VPS13A: variants seen among roughly 807,000 people sequenced by gnomAD.
The protein encoded by VPS13A is vacuolar protein sorting 13 homolog A, also known as intermembrane lipid transfer protein VPS13A.
VPS13A carries 264 observed loss-of-function variants against 390.9 expected under a neutral mutation model. The observed-to-expected ratio is 0.68, with a 90% CI of 0.61 to 0.75. VPS13A has a LOEUF of 0.75. Ranked by LOEUF, VPS13A falls within the 30% of genes least tolerant of loss-of-function variation. The pLI, the probability that VPS13A is intolerant of heterozygous loss-of-function variation, is 0.00. For synonymous variants in VPS13A, 1,231 were observed against 1,227.1 expected (o/e 1.00, Z -0.07); for missense variants, 3,409 against 3,733.9 (o/e 0.91, Z 2.27).
At position 77,237,566 on chromosome 9, in the gene VPS13A, C is replaced by T. The variant is rs190428557; in HGVS notation, c.1596-436C>T. ...TTTTAGTTGAGACAGGGTTTCACCA[C>T]GTTGGCCAGTTTGGTCTCGAACTCT... is the stretch of plus-strand genomic sequence containing the variant. On this transcript the variant is annotated intron_variant, in intron 17 of 71. Transcript: ENST00000360280. Among the ~76,000 whole-genome samples the T allele has an allele frequency of 9.8e-3, 1,485 of 151,972 alleles. 48 individuals are homozygous for T. Among genetic ancestry groups the T allele is most frequent in the Admixed American group, 0.068 (1,045 of 15,274 alleles).
chr9:77,282,870 G>T (rs1313868837), intron 29 of VPS13A, among the ~76,000 whole-genome samples: 1 of 151,792 alleles, frequency 6.6e-6, no homozygotes, highest in Admixed American at 6.6e-5. Flanking sequence ...AATCACTGGA[G>T]CCCAGGAATT....
At chr9:77,228,018 CCTT>C (rs1823619050) in intron 16 of VPS13A, 101 bp from the exon 17 acceptor site, 1 of 862,954 alleles carries the variant, frequency 1.2e-6, no homozygotes, top group Non-Finnish European at 1.6e-6. Context: ...AATAAAATGT[CCTT>C]AAAATATTTG....
At chr9:77,295,874 G>A in intron 33 of VPS13A, 28 bp downstream of exon 33, 1 of 1,607,658 alleles carries the variant, frequency 6.2e-7, no homozygotes, top group South Asian at 1.1e-5. Flanking sequence ...ATATTTGTGT[G>A]GAATGCAATA....
At chr9:77,405,749 T>C (rs762666662) in intron 69 of VPS13A, 115 bp from the exon 70 acceptor site, 2 of 1,296,320 alleles carry the variant, frequency 1.5e-6, no homozygotes, top group Non-Finnish European at 1.1e-6. Flanking sequence ...ATATAGAATA[T>C]AGTCTATGTT....
chr9:77,187,049 A>G (rs2131062543), intron 1 of VPS13A, among the ~76,000 whole-genome samples: 1 of 152,344 alleles, frequency 6.6e-6, no homozygotes, highest in Non-Finnish European at 1.5e-5. Flanking sequence ...TGTTGTAGGA[A>G]ATGTCAGCAT....
chr9:77,395,060 C>T (rs1205419940), intron 68 of VPS13A, among the ~76,000 whole-genome samples: 5 of 152,140 alleles, frequency 3.3e-5, no homozygotes, highest in Non-Finnish European at 5.9e-5. Context: ...TTTCATAATA[C>T]TTTCCTTCAA....
chr9:77,201,053 G>A (rs1790941542), intron 2 of VPS13A, among the ~76,000 whole-genome samples: 2 of 152,094 alleles, frequency 1.3e-5, no homozygotes, highest in Admixed American at 6.6e-5. Flanking sequence ...AAATGACATT[G>A]TAATTGCCAC....
At chr9:77,381,176 C>T (rs1833413270) in intron 67 of VPS13A, among the ~76,000 whole-genome samples, 1 of 152,202 alleles carries the variant, frequency 6.6e-6, no homozygotes, top group South Asian at 2.1e-4. Context: ...CAGGGTCTCA[C>T]TCTGGCATCC....
chr9:77,216,018 C>T (rs1365160962), intron 10 of VPS13A, among the ~76,000 whole-genome samples: 5 of 152,102 alleles, frequency 3.3e-5, no homozygotes, highest in South Asian at 2.1e-4. Flanking sequence ...CAGAAGCTAC[C>T]GGTTCTGTAG....
At chr9:77,237,695 A>G (rs1824232856) in intron 17 of VPS13A, among the ~76,000 whole-genome samples, 1 of 152,126 alleles carries the variant, frequency 6.6e-6, no homozygotes, top group Admixed American at 6.5e-5. Flanking sequence ...TTAGAAGAAA[A>G]CATGTTTATA....
intron 41 of VPS13A, 23 bp from the exon 42 acceptor site, chr9:77,319,549 A>G: frequency 6.9e-7 from 1 of 1,449,912 alleles, no homozygotes; most frequent in Non-Finnish European, 9.7e-7. Flanking sequence ...GATCATTTTT[A>G]ATTTAAAAAA....
At chr9:77,357,994 C>T (rs1197000438) in intron 56 of VPS13A, among the ~76,000 whole-genome samples, 156 bp downstream of exon 56, 2 of 124,590 alleles carry the variant, frequency 1.6e-5, no homozygotes, top group Non-Finnish European at 3.2e-5. Context: ...CTCCCTCTGT[C>T]GCCCAGGCTA....
At position 77,295,596 on chromosome 9, in the gene VPS13A, C is replaced by T. The variant is rs1312264385; in HGVS notation, c.3562C>T (p.Gln1188Ter). The change falls in exon 33 of 72, where the codon CAG becomes TAG. Residue 1188 changes from glutamine (Q) to a stop codon, truncating the protein, a stop_gained. Transcript: ENST00000360280. LOFTEE classifies it high-confidence loss of function. ...ACAAGCCTTGGCTGAGGCAACTGTT[C>T]AGGCAGCTGGAATGGCTGCTACTGG... ...AKQALAEATV[Q>*]AAGMAATGVK... is the part of the protein sequence containing the mutation. 1.9e-6 allele frequency: 3 copies of T among 1,613,428 alleles called. No individual in the cohort carries two copies. Among genetic ancestry groups the T allele is most frequent in the Non-Finnish European group, 1.7e-6 (2 of 1,179,534 alleles).
intron 17 of VPS13A, among the ~76,000 whole-genome samples, chr9:77,232,571 T>C (rs1823897536): frequency 1.3e-5 from 2 of 152,164 alleles, no homozygotes; most frequent in African/African-American, 4.8e-5. Context: ...TGAGACTGGG[T>C]AATTTATAAA....
intron 23 of VPS13A, among the ~76,000 whole-genome samples, chr9:77,264,663 C>G (rs1825934003): frequency 6.6e-6 from 1 of 152,154 alleles, no homozygotes; most frequent in African/African-American, 2.4e-5. Context: ...TGAGACCTTG[C>G]TGAAGTTGCT....
At chr9:77,277,885 T>G (rs1826780234) in intron 26 of VPS13A, among the ~76,000 whole-genome samples, 1 of 152,148 alleles carries the variant, frequency 6.6e-6, no homozygotes, top group Admixed American at 6.5e-5. Context: ...AACATTTGAA[T>G]GCAAGTTTTT....
In VPS13A at chr9:77,420,950, A is replaced by G. The variant is rs149262722; in HGVS notation, c.*4944A>G. The G allele has an allele frequency of 1.7e-4, 26 of 152,358 alleles. No homozygotes were observed. The highest frequency in any genetic ancestry group is 1.1e-3 in the Admixed American group (17 of 15,304). The allele number at this position is 152,358 out of a possible 1,614,324, so 9.4% of individuals were successfully genotyped here. ...ATATTTTCAGTATCAATGATTTAAT[A>G]TCCACACAAACTATTAGGAATGGTA... On this transcript the variant is annotated 3_prime_UTR_variant, in exon 72 of 72. Transcript: ENST00000360280.
chr9:77,368,034 A>T, intron 61 of VPS13A, 21 bp from the exon 62 acceptor site: 1 of 1,598,622 alleles, frequency 6.3e-7, no homozygotes, highest in Non-Finnish European at 8.5e-7. Context: ...TACAGACAAT[A>T]TATTTTTACG....
intron 33 of VPS13A, among the ~76,000 whole-genome samples, chr9:77,299,862 G>A (rs577368535): frequency 2.6e-5 from 4 of 152,274 alleles, no homozygotes; most frequent in African/African-American, 7.2e-5. Flanking sequence ...TCACTCATAA[G>A]TGGGAGTTGA....
Sources: allele counts gnomAD v4.1 joint callset (sites outside exome capture counted in the v4.1 genomes callset), GRCh38; gene constraint gnomAD v4.1.1; transcripts MANE v1.5; gene names NCBI Gene and HGNC (gene_info 2026-07-23, HGNC 2026-07-21).